Variants in ADARB1 observed in about 807,000 individuals in gnomAD.
ADARB1 encodes the protein adenosine deaminase RNA specific B1, also known as double-stranded RNA-specific editase 1.
In ADARB1, 10 loss-of-function variants were observed where a neutral mutation model predicts 52.4. The ratio of observed to expected loss-of-function variants is 0.19; its 90% CI spans 0.12 to 0.32. The LOEUF is 0.32. ADARB1 is among the 10% of genes least tolerant of loss of function. ADARB1 has a pLI of 1.00. For missense variants in ADARB1, 643 were observed against 922.3 expected (o/e 0.70, Z 3.92); for synonymous variants, 349 against 371.1 (o/e 0.94, Z 0.68).
rs35544997 is a variant in ADARB1 at position 45,106,193 on chromosome 21, C to CTTTTT, written c.-219-22202_-219-22198dup. Among the ~76,000 whole-genome samples, 22 of 146,542 alleles carry CTTTTT rather than the reference C, an allele frequency of 1.5e-4. 1 individual carries two copies. Among genetic ancestry groups the CTTTTT allele is most frequent in the African/African-American group, 3.8e-4 (15 of 39,958 alleles). On this transcript the variant is annotated intron_variant, in intron 1 of 10. Transcript: ENST00000348831. ...CAGGCTTGTTAAATCCCGTGGGAGG[C>CTTTTT]TTTTTTTTTTTATAGGTCCTTTCTC...
chr21:45,096,821 G>C (rs2123709632), intron 1 of ADARB1, among the ~76,000 whole-genome samples: 1 of 152,304 alleles, frequency 6.6e-6, no homozygotes, highest in Admixed American at 6.5e-5. Context: ...GGCACTGCCA[G>C]CTCTGCCTCC....
At chr21:45,156,853 C>T (rs1019900451) in intron 2 of ADARB1, among the ~76,000 whole-genome samples, 2 of 152,100 alleles carry the variant, frequency 1.3e-5, no homozygotes, top group Admixed American at 6.5e-5. Context: ...CACCTGAAAT[C>T]CCACTAGGTG....
rs958668562 is a variant in ADARB1, at chr21:45,222,459, T to C, written c.*262T>C. 1.6e-6 allele frequency: 2 copies of C among 1,234,994 alleles called. No homozygotes were observed. Among genetic ancestry groups the C allele is most frequent in the Non-Finnish European group, 2.0e-6 (2 of 989,250 alleles). The allele number at this position is 1,234,994 out of a possible 1,614,324, so 76.5% of individuals were successfully genotyped here. ...CCGCAGCATTTCCCCTTCTGAACCG[T>C]CCAGTGACTGCTTTCAATCTCGGTT... is the stretch of plus-strand genomic sequence containing the variant. On this transcript the variant is annotated 3_prime_UTR_variant, in exon 11 of 11. Transcript: ENST00000348831.
chr21:45,121,457 C>T (rs1601437608), intron 1 of ADARB1, among the ~76,000 whole-genome samples: 1 of 152,204 alleles, frequency 6.6e-6, no homozygotes, highest in Non-Finnish European at 1.5e-5. Flanking sequence ...CATCCGCTCT[C>T]AGCCTGACTG....
rs2092984317 is a variant in ADARB1 at position 45,222,474 on chromosome 21, C to G, written c.*277C>G. On this transcript the variant is annotated 3_prime_UTR_variant, in exon 11 of 11. Transcript: ENST00000348831. ...TTCTGAACCGTCCAGTGACTGCTTT[C>G]AATCTCGGTTTACGTTTAGAAATTG... is the stretch of plus-strand genomic sequence containing the variant. 8 of 1,211,728 alleles carry G rather than the reference C, an allele frequency of 6.6e-6. No homozygotes were observed. The highest frequency in any genetic ancestry group is 8.2e-6 in the Non-Finnish European group (8 of 974,582). The allele number at this position is 1,211,728 out of a possible 1,614,324, so 75.1% of individuals were successfully genotyped here.
Position 45,197,854 on chromosome 21 carries a change from G to A in ADARB1, c.1566-6701G>A, listed in dbSNP as rs187712282. ...ATACAGTCCCATTTGTATATATCTCGGGAGAATGCAGACTAAGCTGCAGTG... is the reference window on the plus strand; with the variant it reads ...ATACAGTCCCATTTGTATATATCTCAGGAGAATGCAGACTAAGCTGCAGTG... On this transcript the variant is annotated intron_variant, in intron 8 of 10. Coordinates refer to ENST00000348831, the MANE Select transcript of ADARB1 (RefSeq NM_001112.4). Among the ~76,000 whole-genome samples the A allele has an allele frequency of 5.4e-4, 82 of 152,298 alleles. 1 individual carries two copies. Among genetic ancestry groups the A allele is most frequent in the African/African-American group, 9.9e-4 (41 of 41,560 alleles).
intron 9 of ADARB1, among the ~76,000 whole-genome samples, chr21:45,215,080 C>T (rs887714496): frequency 6.6e-6 from 1 of 152,150 alleles, no homozygotes; most frequent in Non-Finnish European, 1.5e-5. Flanking sequence ...CAAGGTCTCA[C>T]TCTTTCACCC....
intron 1 of ADARB1, among the ~76,000 whole-genome samples, chr21:45,127,628 C>T (rs771212331): frequency 3.4e-4 from 51 of 152,210 alleles, no homozygotes; most frequent in Non-Finnish European, 6.3e-4. Context: ...GTCTGCATAG[C>T]GAGAGTCGAG....
At chr21:45,138,587 G>A (rs1444144027) in intron 2 of ADARB1, among the ~76,000 whole-genome samples, 1 of 152,186 alleles carries the variant, frequency 6.6e-6, no homozygotes, top group African/African-American at 2.4e-5. Flanking sequence ...ATTTTCACCT[G>A]TCTTTCACCA....
At chr21:45,162,893 T>C (rs2091049374) in intron 2 of ADARB1, among the ~76,000 whole-genome samples, 2 of 151,856 alleles carry the variant, frequency 1.3e-5, no homozygotes, top group Admixed American at 1.3e-4. Context: ...CACCAGACAC[T>C]TCAGACCCAG....
In ADARB1 at chr21:45,223,419, G is replaced by A; in HGVS notation, c.*1222G>A. The A allele has an allele frequency of 1.0e-6, 1 of 985,854 alleles. No individual in the cohort carries two copies. 61.1% of individuals were successfully genotyped at this position (985,854 alleles called of 1,614,324 possible). ...CAGAGGGAGTCAGCCCGGGAGGTCA[G>A]GAGCGCGGCGGGCGAGGGCCCTGTG... On this transcript the variant is annotated 3_prime_UTR_variant, in exon 11 of 11. Coordinates refer to ENST00000348831, the MANE Select transcript of ADARB1 (RefSeq NM_001112.4).
At position 45,136,989 on chromosome 21, in the gene ADARB1, A is replaced by G. The variant is rs112097375; in HGVS notation, c.-48+8416A>G. On this transcript the variant is annotated intron_variant, in intron 2 of 10. Coordinates refer to ENST00000348831, the MANE Select transcript of ADARB1 (RefSeq NM_001112.4). ...GTACACAATTAACCACAGAAGTATG[A>G]CTTGAATAGATAAGAATTTAACAAA... 380 of 152,370 alleles carry G rather than the reference A, an allele frequency of 2.5e-3. 2 individuals are homozygous for G. The highest frequency in any genetic ancestry group is 9.0e-3 in the African/African-American group (375 of 41,590). 9.4% of individuals were successfully genotyped at this position (152,370 alleles called of 1,614,324 possible).
chr21:45,175,045 A>G (rs1389613717), intron 3 of ADARB1, among the ~76,000 whole-genome samples: 2 of 152,202 alleles, frequency 1.3e-5, no homozygotes, highest in African/African-American at 2.4e-5. Flanking sequence ...TCATTTTTAA[A>G]TAGATACTAG....
intron 1 of ADARB1, among the ~76,000 whole-genome samples, chr21:45,076,504 A>G (rs1292614215): frequency 3.3e-5 from 5 of 152,198 alleles, no homozygotes; most frequent in African/African-American, 7.2e-5. Flanking sequence ...GTAGTTGGAA[A>G]GGAAAAAAGG....
intron 4 of ADARB1, among the ~76,000 whole-genome samples, chr21:45,178,705 A>G (rs765546557): frequency 2.0e-5 from 3 of 152,216 alleles, no homozygotes; most frequent in Non-Finnish European, 4.4e-5. Flanking sequence ...CACTGCAGGT[A>G]AATGGTGCTG....
At chr21:45,187,158 C>T (rs548484369) in intron 8 of ADARB1, among the ~76,000 whole-genome samples, 88 of 152,176 alleles carry the variant, frequency 5.8e-4, no homozygotes, top group African/African-American at 1.9e-3. Flanking sequence ...CATGAACATG[C>T]GATATATTTC....
chr21:45,201,211 C>T (rs1218679056), intron 8 of ADARB1, among the ~76,000 whole-genome samples: 1 of 152,176 alleles, frequency 6.6e-6, no homozygotes, highest in Non-Finnish European at 1.5e-5. Context: ...CTGACTGTGT[C>T]TGACACCCTC....
intron 1 of ADARB1, among the ~76,000 whole-genome samples, chr21:45,102,158 CT>C (rs1030063222): frequency 4.6e-5 from 7 of 152,184 alleles, no homozygotes; most frequent in African/African-American, 1.7e-4. Context: ...TCCCAAGTTG[CT>C]GGGATTACAG....
chr21:45,102,922 A>G (rs1486446588), intron 1 of ADARB1, among the ~76,000 whole-genome samples: 1 of 152,180 alleles, frequency 6.6e-6, no homozygotes, highest in Admixed American at 6.5e-5. Flanking sequence ...GGCTCAACCC[A>G]GCAGGGGCCA....
Sources: gnomAD v4.1 joint callset for allele counts (sites outside exome capture counted in the v4.1 genomes callset) on GRCh38, gnomAD v4.1.1 for gene constraint, MANE v1.5 for transcripts, NCBI Gene and HGNC (gene_info 2026-07-23, HGNC 2026-07-21) for gene names.